The following PLEKHM3 variants were observed in gnomAD, a reference collection of about 807,000 sequenced individuals.
PLEKHM3 encodes the protein pleckstrin homology domain-containing family M member 3.
In PLEKHM3, 45 loss-of-function variants were observed where a neutral mutation model predicts 81.8. The observed-to-expected ratio is 0.55, with a 90% CI of 0.43 to 0.71. The LOEUF (loss-of-function observed/expected upper bound fraction) is 0.71. Among genes scored for constraint, PLEKHM3 ranks in the 30% least tolerant of loss-of-function variants. The pLI, the probability that PLEKHM3 is intolerant of heterozygous loss-of-function variation, is 0.00. For missense variants in PLEKHM3, 788 were observed against 924.3 expected (o/e 0.85, Z 1.91); for synonymous variants, 352 against 356.4 (o/e 0.99, Z 0.14).
intron 2 of PLEKHM3, among the ~76,000 whole-genome samples, chr2:208,000,063 G>A (rs1412824105): frequency 6.6e-6 from 1 of 152,184 alleles, no homozygotes; most frequent in Admixed American, 6.5e-5. Context: ...AAAATGGTGA[G>A]AGAGTTTGTT....
At chr2:207,941,573 T>G (rs1017194169) in intron 4 of PLEKHM3, among the ~76,000 whole-genome samples, 2 of 152,190 alleles carry the variant, frequency 1.3e-5, no homozygotes, top group African/African-American at 4.8e-5. Flanking sequence ...AAAGATTATT[T>G]GGGTAAGACC....
chr2:207,867,321 T>A (rs1438932987), intron 6 of PLEKHM3, among the ~76,000 whole-genome samples: 1 of 152,250 alleles, frequency 6.6e-6, no homozygotes, highest in Non-Finnish European at 1.5e-5. Context: ...CTTACATTCA[T>A]GGCCATGTTC....
chr2:207,955,681 A>G (rs1171674184), intron 3 of PLEKHM3, among the ~76,000 whole-genome samples: 1 of 152,258 alleles, frequency 6.6e-6, no homozygotes, highest in Non-Finnish European at 1.5e-5. Flanking sequence ...TAAAAGGCAG[A>G]GCCTAATAAA....
chr2:207,968,214 G>C (rs1483915187), intron 3 of PLEKHM3, among the ~76,000 whole-genome samples: 1 of 151,990 alleles, frequency 6.6e-6, no homozygotes, highest in African/African-American at 2.4e-5. Context: ...AGACTATAAA[G>C]TCCTGGGAGT....
chr2:207,920,764 T>C (rs1407977553), intron 5 of PLEKHM3, among the ~76,000 whole-genome samples: 4 of 152,084 alleles, frequency 2.6e-5, no homozygotes, highest in Non-Finnish European at 4.4e-5. Flanking sequence ...GGCAACCCTA[T>C]AGTTAACTTC....
intron 3 of PLEKHM3, among the ~76,000 whole-genome samples, chr2:207,966,513 T>C (rs777993525): frequency 6.6e-6 from 1 of 152,226 alleles, no homozygotes; most frequent in Non-Finnish European, 1.5e-5. Context: ...GCTACGGTTT[T>C]TAGCTCCTTC....
At chr2:207,958,237 G>A (rs965007396) in intron 3 of PLEKHM3, among the ~76,000 whole-genome samples, 9 of 152,026 alleles carry the variant, frequency 5.9e-5, no homozygotes, top group African/African-American at 1.9e-4. Context: ...TCATGAAAAA[G>A]AGGCACCATC....
chr2:207,828,529 G>C (rs2092266059), intron 7 of PLEKHM3, 33 bp from the exon 8 acceptor site: 1 of 1,601,704 alleles, frequency 6.2e-7, no homozygotes, highest in African/African-American at 1.3e-5. Context: ...TGATGAGCAA[G>C]ACTGAAGCCA....
intron 6 of PLEKHM3, among the ~76,000 whole-genome samples, chr2:207,905,246 T>C (rs554495282): frequency 1.1e-4 from 16 of 152,214 alleles, no homozygotes; most frequent in African/African-American, 3.9e-4. Context: ...AGTTACTCGA[T>C]ATGACAGACA....
At chr2:207,910,761 T>C (rs934900603) in intron 5 of PLEKHM3, among the ~76,000 whole-genome samples, 1 of 152,174 alleles carries the variant, frequency 6.6e-6, no homozygotes, top group African/African-American at 2.4e-5. Flanking sequence ...GCCACACTGA[T>C]GTGCCTCTGA....
chr2:207,988,327 C>T (rs1403784907), intron 2 of PLEKHM3, among the ~76,000 whole-genome samples: 1 of 152,236 alleles, frequency 6.6e-6, no homozygotes, highest in Non-Finnish European at 1.5e-5. Context: ...TCTGCCCTTA[C>T]TGCCTACGTG....
chr2:207,913,535 A>C (rs1003475614), intron 5 of PLEKHM3, among the ~76,000 whole-genome samples: 1 of 152,126 alleles, frequency 6.6e-6, no homozygotes. Context: ...GAAGACTCTC[A>C]TGAGGCCTGG....
At position 208,001,491 on chromosome 2, in the gene PLEKHM3, A is replaced by G; in HGVS notation, c.149T>C (p.Val50Ala). ...QEVPELVGHE[V>A]LSNITDNGAM... The stretch of plus-strand genomic sequence containing the variant: ...ACCATTGTCTGTTATGTTACTGAGT[A>G]CCTCATGCCCCACCAGTTCAGGGAC... Residue 50 changes from valine to alanine, a missense_variant, in exon 2 of 8, where the codon GTA (valine) becomes GCA (alanine). By Grantham distance (64) the Val-to-Ala change is moderately conservative. Coordinates refer to ENST00000427836, the MANE Select transcript of PLEKHM3 (RefSeq NM_001080475.3). The G allele has an allele frequency of 6.2e-7, 1 of 1,614,116 alleles. No homozygotes were observed. The highest frequency in any genetic ancestry group is 8.5e-7 in the Non-Finnish European group (1 of 1,180,010).
intron 1 of PLEKHM3, among the ~76,000 whole-genome samples, chr2:208,014,923 A>G (rs1692841616): frequency 6.6e-6 from 1 of 152,200 alleles, no homozygotes. Flanking sequence ...CTCTTTAAAC[A>G]TGTCCTGCAG....
chr2:207,913,307 G>A lies in PLEKHM3; in HGVS notation c.1887-4730C>T, dbSNP rs187490696. Among the ~76,000 whole-genome samples, 17 of 152,212 alleles carry A rather than the reference G, an allele frequency of 1.1e-4. No homozygotes were observed. In the East Asian group the frequency reaches 3.3e-3, roughly 29 times the overall value. On this transcript the variant is annotated intron_variant, in intron 5 of 7. Coordinates refer to ENST00000427836, the MANE Select transcript of PLEKHM3 (RefSeq NM_001080475.3). Reference sequence around the variant, plus strand: ...TGAGAAAAAGTGATAGTCCAGGGGGGCACATGCTGGGAAATGAGAAAAGAT... The same window carrying A: ...TGAGAAAAAGTGATAGTCCAGGGGGACACATGCTGGGAAATGAGAAAAGAT...
intron 7 of PLEKHM3, chr2:207,851,751 A>AG (rs1390828768): frequency 6.5e-6 from 1 of 153,430 alleles, no homozygotes; most frequent in East Asian, 1.9e-4. Context: ...AAAAAAAAAA[A>AG]AAAAAAAAAA....
chr2:207,899,685 C>T (rs943930536), intron 6 of PLEKHM3, among the ~76,000 whole-genome samples: 5 of 152,072 alleles, frequency 3.3e-5, no homozygotes, highest in Admixed American at 1.3e-4. Context: ...GAAGCGATAC[C>T]GTTTTACTCA....
intron 6 of PLEKHM3, among the ~76,000 whole-genome samples, chr2:207,876,490 C>A (rs1201330983): frequency 6.6e-6 from 1 of 152,296 alleles, no homozygotes; most frequent in East Asian, 1.9e-4. Context: ...TCTGTCATGA[C>A]TATATCAGGC....
chr2:207,863,615 T>A (rs1486183849), intron 6 of PLEKHM3, among the ~76,000 whole-genome samples: 4 of 152,228 alleles, frequency 2.6e-5, no homozygotes, highest in Non-Finnish European at 4.4e-5. Flanking sequence ...GCCCTGGCAG[T>A]GCCTCTGCTG....
Sources: allele counts gnomAD v4.1 joint callset (sites outside exome capture counted in the v4.1 genomes callset), GRCh38; gene constraint gnomAD v4.1.1; transcripts MANE v1.5; gene names NCBI Gene and HGNC (gene_info 2026-07-23, HGNC 2026-07-21).